Variants in DST observed in about 807,000 individuals in gnomAD.
DST encodes bullous pemphigoid antigen.
A neutral mutation model predicts 875.2 loss-of-function variants in DST; 253 were observed. The ratio of observed to expected loss-of-function variants is 0.29; its 90% confidence interval spans 0.26 to 0.32. The LOEUF (loss-of-function observed/expected upper bound fraction) is 0.32. Among genes scored for constraint, DST ranks in the 10% least tolerant of loss-of-function variants. The pLI, the probability that DST is intolerant of heterozygous loss-of-function variation, is 1.00. For synonymous variants in DST, 3,124 were observed against 3,197.1 expected (o/e 0.98, Z 0.77); for missense variants, 8,287 against 9,111.6 (o/e 0.91, Z 3.68).
chr6:56,753,471 T>C (rs2099593922), intron 4 of DST, among the ~76,000 whole-genome samples: 1 of 152,212 alleles, frequency 6.6e-6, no homozygotes, highest in Non-Finnish European at 1.5e-5. Context: ...TTTATTTGCA[T>C]CATCTGTAAA....
intron 78 of DST, among the ~76,000 whole-genome samples, 192 bp from the exon 79 acceptor site, chr6:56,501,885 T>C (rs1448215558): frequency 6.6e-6 from 1 of 152,124 alleles, no homozygotes; most frequent in Non-Finnish European, 1.5e-5. Context: ...ATTTTCTCTT[T>C]ATTCAATATT....
chr6:56,616,105 A>C (rs1333950817), intron 36 of DST: 5 of 1,614,214 alleles, frequency 3.1e-6, no homozygotes, highest in Non-Finnish European at 4.2e-6. Flanking sequence ...CCCCACTAGC[A>C]GTCAGCCAAT....
chr6:56,537,637 C>A (rs1179470456), intron 61 of DST, among the ~76,000 whole-genome samples: 1 of 152,212 alleles, frequency 6.6e-6, no homozygotes, highest in African/African-American at 2.4e-5. Context: ...ACATACCTTA[C>A]CAGCACAGCA....
At chr6:56,616,835 G>A in intron 36 of DST, 2 of 1,614,072 alleles carry the variant, frequency 1.2e-6, no homozygotes, top group Non-Finnish European at 1.7e-6. Flanking sequence ...TGCCTTCTCT[G>A]CCTCAAGAAG....
chr6:56,528,894 T>C lies in DST; in HGVS notation c.17627A>G (p.Gln5876Arg), dbSNP rs1411515241. 6 of 1,586,792 alleles carry C rather than the reference T, an allele frequency of 3.8e-6. No homozygotes were observed. In the East Asian group the frequency reaches 1.1e-4, roughly 30 times the overall value. ...VLQEDILLRKQNVDQALLNGL... is the reference protein window; with the variant it reads ...VLQEDILLRKRNVDQALLNGL... ...ATTTAGTAAAGCCTGATCTACATTT[T>C]GTTTCCTGAGTAAGATGTCCTCTTG... The change falls in exon 67 of 104, where the codon CAA becomes CGA. Residue 5876 changes from glutamine to arginine, a missense_variant. Gln to Arg is a conservative substitution (Grantham distance 43). Around this residue, in one of 10 missense-constraint regions of DST, gnomAD observed 777 missense variants for 764.8 expected, o/e 1.02. Coordinates refer to ENST00000680361, the MANE Select transcript of DST (RefSeq NM_001374736.1).
At chr6:56,556,193 C>T (rs539554420) in intron 59 of DST, among the ~76,000 whole-genome samples, 38 of 152,176 alleles carry the variant, frequency 2.5e-4, no homozygotes, top group Non-Finnish European at 3.8e-4. Flanking sequence ...TTTTTGTCTT[C>T]GTAGGATTTT....
At chr6:56,743,042 C>CAAA (rs1419171255) in intron 4 of DST, among the ~76,000 whole-genome samples, 2 of 152,156 alleles carry the variant, frequency 1.3e-5, no homozygotes, top group East Asian at 1.9e-4. Context: ...ACGTTTATGT[C>CAAA]ATCAAACAAT....
intron 50 of DST, among the ~76,000 whole-genome samples, chr6:56,578,322 A>T (rs1181557346): frequency 6.6e-6 from 1 of 152,258 alleles, no homozygotes; most frequent in East Asian, 1.9e-4. Context: ...CTGCAGTGAG[A>T]CATGATTGTG....
chr6:56,657,798 C>T (rs2099017514), intron 10 of DST, among the ~76,000 whole-genome samples: 1 of 152,192 alleles, frequency 6.6e-6, no homozygotes, highest in Non-Finnish European at 1.5e-5. Flanking sequence ...AAGAGTCTCA[C>T]TCTGTCATCC....
intron 4 of DST, among the ~76,000 whole-genome samples, chr6:56,763,046 C>T (rs931599006): frequency 3.8e-4 from 57 of 151,976 alleles, no homozygotes; most frequent in African/African-American, 1.2e-3. Context: ...GATGGGGTTT[C>T]GACATGTTGG....
rs541112642 is a variant in DST, at chr6:56,561,656, C to T, written c.14069-107G>A. 7.5e-5 allele frequency: 81 copies of T among 1,079,080 alleles called. No individual in the cohort carries two copies. The Admixed American group carries it at 1.9e-3, about 26-fold the overall frequency. The allele number at this position is 1,079,080 out of a possible 1,614,324, so 66.8% of individuals were successfully genotyped here. ...TGGTATTTTGTCACTTCTAGCTTGT[C>T]ATTATTAAGCCTAGTAGATAAAGTC... On this transcript the variant is annotated intron_variant, in intron 56 of 103. Coordinates refer to ENST00000680361, the MANE Select transcript of DST (RefSeq NM_001374736.1).
At chr6:56,535,828 A>G (rs955504257) in intron 62 of DST, among the ~76,000 whole-genome samples, 17 of 152,194 alleles carry the variant, frequency 1.1e-4, no homozygotes, top group African/African-American at 3.9e-4. Flanking sequence ...GTCTACCAGT[A>G]AATGGAGTCT....
intron 4 of DST, among the ~76,000 whole-genome samples, chr6:56,823,985 TCCTCTG>T (rs201469404): frequency 8.6e-5 from 13 of 152,046 alleles, no homozygotes; most frequent in South Asian, 2.1e-4. Context: ...ATAAAAAATA[TCCTCTG>T]CCTCTGCCTC....
At chr6:56,763,411 C>G (rs1442202898) in intron 4 of DST, among the ~76,000 whole-genome samples, 1 of 152,000 alleles carries the variant, frequency 6.6e-6, no homozygotes, top group East Asian at 1.9e-4. Flanking sequence ...GTGGCTCACG[C>G]CTGTAATGCC....
intron 55 of DST, among the ~76,000 whole-genome samples, chr6:56,564,057 G>A (rs948448987): frequency 6.6e-5 from 10 of 152,028 alleles, no homozygotes; most frequent in East Asian, 1.9e-4. Flanking sequence ...TCGGCTATAC[G>A]GGCTCTTTTT....
At position 56,800,942 on chromosome 6, in the gene DST, C is replaced by T. The variant is rs151257157; in HGVS notation, c.625+50455G>A. Reference sequence around the variant, plus strand: ...GGCTGAAATGGGAGGATCACCTGAGCCCAGGAACTCAAGGCTACAGTAAGC... The same window carrying T: ...GGCTGAAATGGGAGGATCACCTGAGTCCAGGAACTCAAGGCTACAGTAAGC... On this transcript the variant is annotated intron_variant, in intron 4 of 103. Transcript: ENST00000680361. 3.3e-3 allele frequency among the ~76,000 whole-genome samples: 504 copies of T among 151,282 alleles called. 4 individuals are homozygous for T. Among genetic ancestry groups the T allele is most frequent in the African/African-American group, 0.012 (489 of 41,164 alleles).
intron 4 of DST, among the ~76,000 whole-genome samples, chr6:56,755,891 T>C (rs1201100518): frequency 1.3e-5 from 2 of 152,192 alleles, no homozygotes; most frequent in African/African-American, 2.4e-5. Context: ...TGTTTCCAAA[T>C]TGCTTTTATT....
chr6:56,460,261 T>C lies in DST; in HGVS notation c.23071-7A>G. The C allele has an allele frequency of 6.2e-7, 1 of 1,613,952 alleles. No homozygotes were observed. On this transcript the variant is annotated splice_polypyrimidine_tract_variant and splice_region_variant and intron_variant, in intron 102 of 103. Transcript: ENST00000680361. ...TTCCTTGTATTGGCGTTCCCTGTAT[T>C]TAACCAGCAACAAGACATTTCAAAA...
chr6:56,692,999 C>T (rs2099242177), intron 9 of DST: 4 of 1,289,800 alleles, frequency 3.1e-6, no homozygotes, highest in Non-Finnish European at 4.0e-6. Context: ...TTTGCCCCAA[C>T]TGACTCTTTG....
Sources: allele counts gnomAD v4.1 joint callset (sites outside exome capture counted in the v4.1 genomes callset), GRCh38; gene constraint gnomAD v4.1.1; regional missense constraint gnomAD v4.1.1; transcripts MANE v1.5; gene names NCBI Gene and HGNC (gene_info 2026-07-23, HGNC 2026-07-21).